The following PARD3B variants were observed in gnomAD, a reference collection of about 807,000 sequenced individuals.
PARD3B encodes partitioning defective 3 homolog B.
Under a neutral mutation model 130.2 loss-of-function variants are expected in PARD3B, and 103 were observed. The observed-to-expected ratio is 0.79, with a 90% CI of 0.67 to 0.93. The LOEUF (loss-of-function observed/expected upper bound fraction) is 0.93, where lower values mean the gene tolerates loss of function less well. PARD3B is among the 40% of genes least tolerant of loss of function. The pLI, the probability that PARD3B is intolerant of heterozygous loss-of-function variation, is 0.00. For synonymous variants in PARD3B, 583 were observed against 553.2 expected (o/e 1.05, Z -0.76); for missense variants, 1,609 against 1,499.2 (o/e 1.07, Z -1.21).
intron 16 of PARD3B, among the ~76,000 whole-genome samples, chr2:205,250,481 T>A (rs2039795247): frequency 6.6e-6 from 1 of 152,154 alleles, no homozygotes; most frequent in South Asian, 2.1e-4. Context: ...AAAGTAATGG[T>A]TGGCAGCAAG....
chr2:204,643,093 G>A (rs1179245165), intron 1 of PARD3B, among the ~76,000 whole-genome samples: 9 of 83,238 alleles, frequency 1.1e-4, no homozygotes, highest in Non-Finnish European at 2.0e-4. Context: ...CAGCCTGGGC[G>A]ACAGAGGGAG....
At position 205,280,385 on chromosome 2, in the gene PARD3B, G is replaced by A. The variant is rs893475390; in HGVS notation, c.2186-20145G>A. Reference sequence around the variant, plus strand: ...AAAATTACTTTTTCTCTTTTCAATGGAATTCACGACTGTTCTTGGTTTTCA... The same window carrying A: ...AAAATTACTTTTTCTCTTTTCAATGAAATTCACGACTGTTCTTGGTTTTCA... On this transcript the variant is annotated intron_variant, in intron 16 of 22. Transcript: ENST00000406610. The surrounding 1 kb of genome is among the most constrained non-coding windows in gnomAD (Gnocchi z 4.7). Among the ~76,000 whole-genome samples, 6 of 152,180 alleles carry A rather than the reference G, an allele frequency of 3.9e-5. No homozygotes were observed. The highest frequency in any genetic ancestry group is 7.2e-5 in the African/African-American group (3 of 41,446).
intron 16 of PARD3B, among the ~76,000 whole-genome samples, chr2:205,282,530 C>T (rs541115138): frequency 1.5e-5 from 2 of 132,258 alleles, no homozygotes; most frequent in East Asian, 2.2e-4. Flanking sequence ...TGTACACACA[C>T]ACATATATAT....
chr2:205,388,885 C>T (rs187119261), intron 18 of PARD3B, among the ~76,000 whole-genome samples: 10 of 152,226 alleles, frequency 6.6e-5, no homozygotes, highest in Non-Finnish European at 2.9e-5. Context: ...TGGATAACAA[C>T]TATACTTAAA....
At position 204,677,273 on chromosome 2, in the gene PARD3B, A is replaced by G. The variant is rs1199602831; in HGVS notation, c.121-8908A>G. Among the ~76,000 whole-genome samples, 1 of 152,192 alleles carries G rather than the reference A, an allele frequency of 6.6e-6. No homozygotes were observed. Among genetic ancestry groups the G allele is most frequent in the Admixed American group, 6.5e-5 (1 of 15,280 alleles). ...AAAAGACAATGAATACTCCAAGTCT[A>G]GATTAAAAACAGGTAGCATTGGCCT... On this transcript the variant is annotated intron_variant, in intron 1 of 22. Coordinates refer to ENST00000406610, the MANE Select transcript of PARD3B (RefSeq NM_001302769.2). The surrounding 1 kb of genome is among the most constrained non-coding windows in gnomAD (Gnocchi z 4.1).
rs534356455 is a variant in PARD3B, at chr2:205,461,447, C to T, written c.3044+20775C>T. Among the ~76,000 whole-genome samples, 9 of 152,306 alleles carry T rather than the reference C, an allele frequency of 5.9e-5. No homozygotes were observed. Among genetic ancestry groups the T allele is most frequent in the East Asian group, 3.9e-4 (2 of 5,178 alleles). On this transcript the variant is annotated intron_variant, in intron 20 of 22. Coordinates refer to ENST00000406610, the MANE Select transcript of PARD3B (RefSeq NM_001302769.2). This position sits in a 1 kb window ranked among gnomAD's most constrained non-coding sequence, Gnocchi z 4.3. Reference sequence around the variant, plus strand: ...TTGAACCAAGAGGTATTCCCTAGCACGGACTGCCATGTAGAAAAGGTCCCC... The same window carrying T: ...TTGAACCAAGAGGTATTCCCTAGCATGGACTGCCATGTAGAAAAGGTCCCC...
intron 18 of PARD3B, among the ~76,000 whole-genome samples, chr2:205,334,008 CT>C (rs1170093948): frequency 6.6e-6 from 1 of 152,162 alleles, no homozygotes; most frequent in East Asian, 1.9e-4. Context: ...AATTCCTTCT[CT>C]TTTGGAAAAT....
At chr2:204,921,535 A>C (rs2047680940) in intron 2 of PARD3B, among the ~76,000 whole-genome samples, 1 of 143,506 alleles carries the variant, frequency 7.0e-6, no homozygotes, top group Non-Finnish European at 1.6e-5. Flanking sequence ...GGGTGGAAGA[A>C]GCACTCAAAA....
intron 2 of PARD3B, among the ~76,000 whole-genome samples, chr2:204,865,990 G>A (rs2045397461): frequency 6.6e-6 from 1 of 152,138 alleles, no homozygotes; most frequent in South Asian, 2.1e-4. Context: ...TCCTGCCTGT[G>A]GCCAGAGCTA....
chr2:205,114,288 C>T (rs1489192090), intron 6 of PARD3B, among the ~76,000 whole-genome samples: 2 of 151,864 alleles, frequency 1.3e-5, no homozygotes, highest in Non-Finnish European at 2.9e-5. Flanking sequence ...TTCATATTAC[C>T]CCTGTTAAAA....
In PARD3B at chr2:205,572,809, G is replaced by T. The variant is rs1425743684; in HGVS notation, c.3260+19406G>T. Among the ~76,000 whole-genome samples, 3 of 152,154 alleles carry T rather than the reference G, an allele frequency of 2.0e-5. No individual in the cohort carries two copies. The highest frequency in any genetic ancestry group is 4.4e-5 in the Non-Finnish European group (3 of 68,028). ...AAGGGCATTGTGAAACTGTTTATGT[G>T]GTCCCTACAAAAGATGCTGAAAGCC... On this transcript the variant is annotated intron_variant, in intron 22 of 22. Coordinates refer to ENST00000406610, the MANE Select transcript of PARD3B (RefSeq NM_001302769.2). This position sits in a 1 kb window ranked among gnomAD's most constrained non-coding sequence, Gnocchi z 4.2.
At chr2:204,698,873 A>T (rs1021560668) in intron 2 of PARD3B, among the ~76,000 whole-genome samples, 2 of 152,080 alleles carry the variant, frequency 1.3e-5, no homozygotes, top group Non-Finnish European at 2.9e-5. Flanking sequence ...TGTCGCTTCA[A>T]CTGGGTGCAA....
chr2:204,812,602 G>A (rs1202273496), intron 2 of PARD3B, among the ~76,000 whole-genome samples: 2 of 152,116 alleles, frequency 1.3e-5, no homozygotes, highest in African/African-American at 4.8e-5. Flanking sequence ...GGGAGGGGCC[G>A]CATGCTCACT....
Position 204,603,591 on chromosome 2 carries a change from G to A in PARD3B, c.120+57472G>A, listed in dbSNP as rs114352708. 3.9e-3 allele frequency among the ~76,000 whole-genome samples: 597 copies of A among 151,364 alleles called. 2 individuals carry two copies. The highest frequency in any genetic ancestry group is 0.014 in the African/African-American group (574 of 41,222). On this transcript the variant is annotated intron_variant, in intron 1 of 22. Coordinates refer to ENST00000406610, the MANE Select transcript of PARD3B (RefSeq NM_001302769.2). ...GATCATAACATAGGACATTTTTGTC[G>A]TCCTTATAATCATTTGTTACAAAAA...
At chr2:204,986,503 A>C (rs1354533636) in intron 3 of PARD3B, among the ~76,000 whole-genome samples, 1 of 152,176 alleles carries the variant, frequency 6.6e-6, no homozygotes, top group Non-Finnish European at 1.5e-5. Flanking sequence ...TAATCCATCA[A>C]ACTAAATGTA....
chr2:205,583,401 G>GTGTGTGCA (rs60556880), intron 22 of PARD3B, among the ~76,000 whole-genome samples: 1 of 64,978 alleles, frequency 1.5e-5, no homozygotes, highest in African/African-American at 4.2e-5. Context: ...GTGTGTGTGT[G>GTGTGTGCA]CGCGCGCACG....
intron 2 of PARD3B, among the ~76,000 whole-genome samples, chr2:204,824,584 C>T (rs1434253009): frequency 6.6e-6 from 1 of 152,138 alleles, no homozygotes; most frequent in Non-Finnish European, 1.5e-5. Flanking sequence ...AGAACTTCTC[C>T]ATCACATAGT....
intron 18 of PARD3B, among the ~76,000 whole-genome samples, chr2:205,339,579 G>C (rs898117701): frequency 6.6e-6 from 1 of 152,166 alleles, no homozygotes; most frequent in African/African-American, 2.4e-5. Flanking sequence ...AAGTGTTGGA[G>C]GTATTGGCTT....
At chr2:204,553,594 A>ATATATATGTG (rs1283352139) in intron 1 of PARD3B, among the ~76,000 whole-genome samples, 13 of 3,212 alleles carry the variant, frequency 4.0e-3, no homozygotes, top group African/African-American at 5.2e-3. Context: ...GGCTATATAC[A>ATATATATGTG]TATATATGTA....
Sources: gnomAD v4.1 joint callset for allele counts (sites outside exome capture counted in the v4.1 genomes callset) on GRCh38, gnomAD v4.1.1 for gene constraint, Gnocchi (gnomAD v3.1) non-coding constraint, MANE v1.5 for transcripts, NCBI Gene and HGNC (gene_info 2026-07-23, HGNC 2026-07-21) for gene names.